MYOZ2: variants seen among roughly 807,000 people sequenced by gnomAD.
MYOZ2 encodes the protein myozenin-2.
A neutral mutation model predicts 25.4 loss-of-function variants in MYOZ2; 19 were observed. The observed-to-expected ratio is 0.75, with a 90% CI of 0.52 to 1.10. The LOEUF (loss-of-function observed/expected upper bound fraction) is 1.10. MYOZ2 is among the 50% of genes least tolerant of loss of function. The pLI, the probability that MYOZ2 is intolerant of heterozygous loss-of-function variation, is 0.00. For missense variants in MYOZ2, 270 were observed against 317.9 expected (o/e 0.85, Z 1.15); for synonymous variants, 92 against 106.9 (o/e 0.86, Z 0.86).
intron 2 of MYOZ2, among the ~76,000 whole-genome samples, chr4:119,145,340 T>G (rs1450938737): frequency 2.6e-4 from 5 of 19,252 alleles, no homozygotes; most frequent in African/African-American, 5.3e-4. Flanking sequence ...CGTGTGTGGT[T>G]TTTTTTTTTT....
intron 5 of MYOZ2, among the ~76,000 whole-genome samples, chr4:119,184,880 C>A (rs1215205064): frequency 2.0e-5 from 3 of 152,102 alleles, no homozygotes; most frequent in Non-Finnish European, 4.4e-5. Context: ...AACAGATAAT[C>A]CACATTCTTA....
At chr4:119,138,025 C>T (rs1741072099) in intron 2 of MYOZ2, among the ~76,000 whole-genome samples, 1 of 152,076 alleles carries the variant, frequency 6.6e-6, no homozygotes, top group Admixed American at 6.6e-5. Context: ...GTGTTGGAAT[C>T]TACTGTTAGC....
intron 5 of MYOZ2, among the ~76,000 whole-genome samples, chr4:119,177,468 C>A (rs1362590020): frequency 6.6e-6 from 1 of 152,092 alleles, no homozygotes; most frequent in African/African-American, 2.4e-5. Context: ...TTTTCTAGGA[C>A]AATTTGAATT....
intron 4 of MYOZ2, among the ~76,000 whole-genome samples, chr4:119,158,629 T>C (rs1012450431): frequency 6.6e-6 from 1 of 152,122 alleles, no homozygotes; most frequent in Non-Finnish European, 1.5e-5. Context: ...ACATAAAACA[T>C]TTATAGTAGC....
intron 2 of MYOZ2, among the ~76,000 whole-genome samples, chr4:119,147,275 GT>G (rs142008862): frequency 0.031 from 4,528 of 145,842 alleles, 218 homozygotes; most frequent in African/African-American, 0.1. Context: ...TTACATTCCT[GT>G]TTTTTTTTTC....
chr4:119,140,719 A>G (rs1024304482), intron 2 of MYOZ2, among the ~76,000 whole-genome samples: 2 of 152,184 alleles, frequency 1.3e-5, no homozygotes, highest in Non-Finnish European at 2.9e-5. Context: ...TCACTCAAAT[A>G]TGTTTTAGAC....
chr4:119,165,155 A>C (rs1384589540), intron 5 of MYOZ2, among the ~76,000 whole-genome samples: 1 of 151,016 alleles, frequency 6.6e-6, no homozygotes, highest in Non-Finnish European at 1.5e-5. Flanking sequence ...AAATGAATAA[A>C]TTAATGAGTA....
intron 4 of MYOZ2, among the ~76,000 whole-genome samples, chr4:119,163,158 G>A (rs1424701558): frequency 5.9e-5 from 9 of 152,140 alleles, no homozygotes; most frequent in African/African-American, 2.2e-4. Context: ...AGATACTGGA[G>A]GCAATCTGAA....
intron 3 of MYOZ2, among the ~76,000 whole-genome samples, chr4:119,157,265 A>G (rs1026705552): frequency 3.3e-5 from 5 of 152,184 alleles, no homozygotes; most frequent in Non-Finnish European, 7.4e-5. Flanking sequence ...ATGATTTATT[A>G]TGAGAATAAA....
At chr4:119,161,899 T>C (rs1010771866) in intron 4 of MYOZ2, among the ~76,000 whole-genome samples, 1 of 152,076 alleles carries the variant, frequency 6.6e-6, no homozygotes, top group Admixed American at 6.6e-5. Context: ...AACTAAATAC[T>C]TGTGTTAGGG....
chr4:119,176,355 G>A (rs1742071670), intron 5 of MYOZ2, among the ~76,000 whole-genome samples: 1 of 152,082 alleles, frequency 6.6e-6, no homozygotes, highest in African/African-American at 2.4e-5. Flanking sequence ...GGAGTAGCTG[G>A]GATTACAAGC....
In MYOZ2 at chr4:119,150,858, A is replaced by G. The variant is rs397517291; in HGVS notation, c.77-14A>G. The G allele has an allele frequency of 1.2e-6, 2 of 1,612,174 alleles. No homozygotes were observed. Among genetic ancestry groups the G allele is most frequent in the South Asian group, 2.2e-5 (2 of 91,014 alleles). On this transcript the variant is annotated splice_polypyrimidine_tract_variant and intron_variant, in intron 2 of 5. Transcript: ENST00000307128. ...TACCTTGGGATTTTTACTCATATGA[A>G]TATTGTTTTACAGATGTTGATGGCA...
At chr4:119,168,683 A>ACAACAACAAC (rs1553959287) in intron 5 of MYOZ2, among the ~76,000 whole-genome samples, 2 of 150,828 alleles carry the variant, frequency 1.3e-5, no homozygotes, top group African/African-American at 4.9e-5. Context: ...AACAACAACA[A>ACAACAACAAC]AACAACAACA....
At chr4:119,148,769 CAAA>C (rs372182068) in intron 2 of MYOZ2, among the ~76,000 whole-genome samples, 1 of 77,400 alleles carries the variant, frequency 1.3e-5, no homozygotes, top group Non-Finnish European at 2.5e-5. Context: ...GAGTCATTGG[CAAA>C]AAAAAAAAAA....
At chr4:119,185,410 G>A (rs1205656831) in intron 5 of MYOZ2, among the ~76,000 whole-genome samples, 1 of 152,098 alleles carries the variant, frequency 6.6e-6, no homozygotes, top group East Asian at 1.9e-4. Flanking sequence ...CGCCTCCTGG[G>A]TTCAAGTCAT....
intron 5 of MYOZ2, among the ~76,000 whole-genome samples, chr4:119,172,594 C>T (rs548575983): frequency 6.6e-6 from 1 of 152,236 alleles, no homozygotes; most frequent in African/African-American, 2.4e-5. Context: ...GTGATGTTAT[C>T]CCCAAGGAAA....
rs548127175 is a variant in MYOZ2 at position 119,187,461 on chromosome 4, A to T, written c.*1261A>T. The T allele has an allele frequency of 6.6e-6, 1 of 152,240 alleles. No individual in the cohort carries two copies. The highest frequency in any genetic ancestry group is 2.4e-5 in the African/African-American group (1 of 41,550). 9.4% of individuals were successfully genotyped at this position (152,240 alleles called of 1,614,324 possible). A position where few individuals can be genotyped will look rare whatever the true frequency, so the allele number is the denominator to read the frequency against. The stretch of plus-strand genomic sequence containing the variant: ...GCAACATTACATGTTTACAAAAAAA[A>T]ATCTGTGTTTGTAGTGTGGAAGTTG... On this transcript the variant is annotated 3_prime_UTR_variant, in exon 6 of 6. Coordinates refer to ENST00000307128, the MANE Select transcript of MYOZ2 (RefSeq NM_016599.5).
intron 5 of MYOZ2, among the ~76,000 whole-genome samples, chr4:119,170,745 G>T (rs1388127573): frequency 6.6e-6 from 1 of 152,110 alleles, no homozygotes; most frequent in Non-Finnish European, 1.5e-5. Context: ...AAGGGAATAA[G>T]AGAGAGAAGC....
intron 5 of MYOZ2, among the ~76,000 whole-genome samples, chr4:119,178,336 A>G (rs1411209732): frequency 1.3e-5 from 2 of 152,158 alleles, no homozygotes; most frequent in Non-Finnish European, 2.9e-5. Flanking sequence ...TGTGCTGATA[A>G]TGCCAATGAT....
Sources: gnomAD v4.1 joint callset for allele counts (sites outside exome capture counted in the v4.1 genomes callset) on GRCh38, gnomAD v4.1.1 for gene constraint, MANE v1.5 for transcripts, NCBI Gene and HGNC (gene_info 2026-07-23, HGNC 2026-07-21) for gene names.